Variants in LRP1B observed in about 807,000 individuals in gnomAD.
LRP1B encodes LDL receptor related protein 1B.
In LRP1B, 217 loss-of-function variants were observed where a neutral mutation model predicts 556.6. That is an observed-to-expected ratio of 0.39 (90% CI 0.35 to 0.44). The LOEUF (loss-of-function observed/expected upper bound fraction) is 0.44. Ranked by LOEUF, LRP1B falls within the 20% of genes least tolerant of loss-of-function variation. The pLI is 1.00. For missense variants in LRP1B, 5,053 were observed against 5,620.8 expected, an observed-to-expected ratio of 0.90 and a Z score of 3.23; for synonymous variants, 2,047 against 1,865.8, an observed-to-expected ratio of 1.10 and a Z score of -2.50.
At chr2:141,498,891 G>A (rs1232194268) in intron 2 of LRP1B, among the ~76,000 whole-genome samples, 1 of 152,026 alleles carries the variant, frequency 6.6e-6, no homozygotes. Context: ...CTTCTACAAA[G>A]TCATCCTTGC....
intron 35 of LRP1B, among the ~76,000 whole-genome samples, chr2:140,743,970 A>C (rs1485189612): frequency 2.5e-5 from 1 of 39,426 alleles, no homozygotes; most frequent in Admixed American, 2.6e-4. Context: ...GGTCTCAAAA[A>C]AAAAAAAAAA....
chr2:141,111,229 A>C (rs1042406754), intron 7 of LRP1B, among the ~76,000 whole-genome samples: 1 of 152,208 alleles, frequency 6.6e-6, no homozygotes, highest in African/African-American at 2.4e-5. Flanking sequence ...GCATGTAACA[A>C]ACATGACAGA....
chr2:141,095,595 C>A (rs1700277751), intron 7 of LRP1B, among the ~76,000 whole-genome samples: 1 of 151,066 alleles, frequency 6.6e-6, no homozygotes, highest in South Asian at 2.1e-4. Context: ...ATATTTAGTT[C>A]TGTTCAATTT....
At chr2:141,745,880 G>A (rs1156774587) in intron 2 of LRP1B, among the ~76,000 whole-genome samples, 1 of 151,398 alleles carries the variant, frequency 6.6e-6, no homozygotes, top group Non-Finnish European at 1.5e-5. Context: ...AGGCCCAAGG[G>A]ATCTTTAGTC....
chr2:141,425,239 G>A (rs1275758918), intron 3 of LRP1B, among the ~76,000 whole-genome samples: 1 of 151,728 alleles, frequency 6.6e-6, no homozygotes, highest in Non-Finnish European at 1.5e-5. Context: ...TCCCTACAAA[G>A]GACATGAAGT....
At chr2:141,477,109 C>T (rs6729691) in intron 3 of LRP1B, among the ~76,000 whole-genome samples, 58,524 of 150,492 alleles carry the variant, frequency 0.39, 11,816 homozygotes, top group East Asian at 0.65. Flanking sequence ...GGCAAAAGAG[C>T]GAAACTCCGT....
chr2:141,690,567 C>G (rs1691490991), intron 2 of LRP1B, among the ~76,000 whole-genome samples: 1 of 149,924 alleles, frequency 6.7e-6, no homozygotes, highest in Non-Finnish European at 1.5e-5. Flanking sequence ...TGCAAATAAA[C>G]TAAGAAATAT....
At chr2:140,422,507 A>C (rs1685488535) in intron 66 of LRP1B, among the ~76,000 whole-genome samples, 1 of 152,220 alleles carries the variant, frequency 6.6e-6, no homozygotes, top group Admixed American at 6.5e-5. Flanking sequence ...GGGGAGAGAT[A>C]GAAAGCTGAT....
intron 2 of LRP1B, among the ~76,000 whole-genome samples, chr2:141,724,569 G>A (rs747476641): frequency 4.0e-5 from 6 of 151,776 alleles, no homozygotes; most frequent in Non-Finnish European, 5.9e-5. Flanking sequence ...GATACTCTAC[G>A]CCAGGCAAAT....
At chr2:140,343,362 A>C (rs1287740787) in intron 77 of LRP1B, among the ~76,000 whole-genome samples, 3 of 151,512 alleles carry the variant, frequency 2.0e-5, no homozygotes, top group Non-Finnish European at 4.4e-5. Context: ...TTAAGTGCGA[A>C]TACTCTTTAA....
In LRP1B at chr2:140,476,720, G is replaced by A. The variant is rs577091659; in HGVS notation, c.9426-1383C>T. 3.1e-4 allele frequency among the ~76,000 whole-genome samples: 47 copies of A among 151,988 alleles called. 1 individual carries two copies. Among genetic ancestry groups the A allele is most frequent in the African/African-American group, 1.1e-3 (45 of 41,514 alleles). On this transcript the variant is annotated intron_variant, in intron 59 of 90. Coordinates refer to ENST00000389484, the MANE Select transcript of LRP1B (RefSeq NM_018557.3). Reference sequence around the variant, plus strand: ...CATTGAAGTAATAATGAAGTATGGTGCTTAAAAAAGAAGAAATATATTTCT... The same window carrying A: ...CATTGAAGTAATAATGAAGTATGGTACTTAAAAAAGAAGAAATATATTTCT...
chr2:141,271,209 G>A (rs1028737255), intron 3 of LRP1B, among the ~76,000 whole-genome samples: 12 of 151,478 alleles, frequency 7.9e-5, no homozygotes, highest in African/African-American at 2.9e-4. Context: ...AATAATGCAG[G>A]GAACAAAAGC....
intron 2 of LRP1B, among the ~76,000 whole-genome samples, chr2:141,785,872 C>A (rs979650716): frequency 6.6e-6 from 1 of 151,204 alleles, no homozygotes; most frequent in Admixed American, 6.6e-5. Flanking sequence ...AATATGAATT[C>A]CAAGGAGAAA....
chr2:141,135,003 A>T (rs1701455899), intron 7 of LRP1B, among the ~76,000 whole-genome samples: 1 of 151,796 alleles, frequency 6.6e-6, no homozygotes, highest in Admixed American at 6.6e-5. Context: ...TATTGTCACT[A>T]CATGCATTCA....
Position 140,364,719 on chromosome 2 carries a change from C to A in LRP1B, c.11073G>T (p.Trp3691Cys), listed in dbSNP as rs1403000738. 2 of 1,610,242 alleles carry A rather than the reference C, an allele frequency of 1.2e-6. No individual in the cohort carries two copies. Among genetic ancestry groups the A allele is most frequent in the South Asian group, 1.1e-5 (1 of 90,930 alleles). Reference sequence around the variant, plus strand: ...CACAGTCGTCCTCTCCATCACACACCCAGAAATGTAGTTTGCAGAGAGAAT... The same window carrying A: ...CACAGTCGTCCTCTCCATCACACACACAGAAATGTAGTTTGCAGAGAGAAT... Reference protein sequence around the residue: ...CNNSLCKLHFWVCDGEDDCGD... With the variant: ...CNNSLCKLHFCVCDGEDDCGD... Residue 3691 changes from tryptophan (W) to cysteine (C), a missense_variant, in exon 72 of 91, where the codon TGG becomes TGT. Trp to Cys is a radical substitution (Grantham distance 215). Transcript: ENST00000389484.
intron 18 of LRP1B, among the ~76,000 whole-genome samples, chr2:140,971,518 G>A (rs1696423296): frequency 1.3e-5 from 2 of 152,118 alleles, no homozygotes; most frequent in Admixed American, 6.6e-5. Context: ...TAAAACCACA[G>A]TTTACATTCT....
chr2:140,325,122 A>G (rs1038397567), intron 80 of LRP1B, among the ~76,000 whole-genome samples: 1 of 152,116 alleles, frequency 6.6e-6, no homozygotes, highest in African/African-American at 2.4e-5. Context: ...TGAAACAGAA[A>G]GGGAAGAAAT....
chr2:140,593,132 G>T (rs974298749), intron 43 of LRP1B, among the ~76,000 whole-genome samples: 2 of 152,130 alleles, frequency 1.3e-5, no homozygotes, highest in Admixed American at 6.5e-5. Flanking sequence ...TAGGGGTCAA[G>T]TTAGTCATAA....
At chr2:140,889,712 A>T (rs907054373) in intron 23 of LRP1B, among the ~76,000 whole-genome samples, 6 of 152,200 alleles carry the variant, frequency 3.9e-5, no homozygotes, top group Admixed American at 3.3e-4. Flanking sequence ...GAAATTATAT[A>T]ACCACCATGC....
Sources: gnomAD v4.1 joint callset for allele counts (sites outside exome capture counted in the v4.1 genomes callset) on GRCh38, gnomAD v4.1.1 for gene constraint, MANE v1.5 for transcripts, NCBI Gene and HGNC (gene_info 2026-07-23, HGNC 2026-07-21) for gene names.